PKHD1L1: variants seen among roughly 807,000 people sequenced by gnomAD.
PKHD1L1 encodes PKHD1 like 1, also known as fibrocystin-L.
A neutral mutation model predicts 462.9 loss-of-function variants in PKHD1L1; 434 were observed. That is an observed-to-expected ratio of 0.94 (90% CI 0.87 to 1.02). PKHD1L1 has a LOEUF of 1.02. Among genes scored for constraint, PKHD1L1 ranks in the 50% least tolerant of loss-of-function variants. The pLI, the probability that PKHD1L1 is intolerant of heterozygous loss-of-function variation, is 0.00. For missense variants in PKHD1L1, 5,202 were observed against 5,096.1 expected (o/e 1.02, Z -0.63); for synonymous variants, 1,781 against 1,750.0 (o/e 1.02, Z -0.44).
At position 109,454,179 on chromosome 8, in the gene PKHD1L1, T is replaced by C. The variant is rs759591604; in HGVS notation, c.6677T>C (p.Ile2226Thr). ...GTATGATTCATAGGTGGGACTCTAA[T>C]ATTTGATGAAGCTGACATTGAACTC... Reference protein sequence around the residue: ...KMLLIQGGTLIFDEADIELQA... With the variant: ...KMLLIQGGTLTFDEADIELQA... The change falls in exon 44 of 78, where the codon ATA (isoleucine) becomes ACA (threonine). Residue 2226 changes from isoleucine (I) to threonine (T), a missense_variant. Ile to Thr is a moderately conservative substitution (Grantham distance 89, BLOSUM62 -1). Around this residue, in one of 3 missense-constraint regions of PKHD1L1, gnomAD observed 4,497 missense variants for 4,336.8 expected, o/e 1.04. Coordinates refer to ENST00000378402, the MANE Select transcript of PKHD1L1 (RefSeq NM_177531.6). The C allele has an allele frequency of 3.7e-6, 6 of 1,606,862 alleles. No homozygotes were observed. The highest frequency in any genetic ancestry group is 4.3e-6 in the Non-Finnish European group (5 of 1,176,408).
chr8:109,462,536 A>ATTAT (rs535710849), intron 48 of PKHD1L1, among the ~76,000 whole-genome samples: 37 of 151,686 alleles, frequency 2.4e-4, no homozygotes, highest in Non-Finnish European at 3.8e-4. Context: ...CTTGCTTTTC[A>ATTAT]TTATTTATTT....
rs1426744995 is a variant in PKHD1L1, at chr8:109,456,308, G to A, written c.6921G>A (p.Lys2307=). The change falls in exon 46 of 78, where the codon AAG becomes AAA. Residue 2307 remains lysine (K), a synonymous_variant. Coordinates refer to ENST00000378402, the MANE Select transcript of PKHD1L1 (RefSeq NM_177531.6). ...GGACTCGCTTGGCTCATACTGCAAA[G>A]GCAGGGGAAAGAATTTTAATTTTAC... is the stretch of plus-strand genomic sequence containing the variant. ...VTWTRLAHTA[K]AGERILILQE... The A allele has an allele frequency of 2.5e-6, 4 of 1,612,694 alleles. No individual in the cohort carries two copies. Among genetic ancestry groups the A allele is most frequent in the Non-Finnish European group, 3.4e-6 (4 of 1,179,278 alleles).
chr8:109,423,182 C>T (rs760368278), intron 23 of PKHD1L1, among the ~76,000 whole-genome samples: 5 of 150,514 alleles, frequency 3.3e-5, no homozygotes, highest in Non-Finnish European at 5.9e-5. Flanking sequence ...CTTTTTTGAA[C>T]GGTGCTTTTG....
chr8:109,475,834 G>A (rs1193530684), intron 51 of PKHD1L1, among the ~76,000 whole-genome samples: 1 of 129,818 alleles, frequency 7.7e-6, no homozygotes, highest in Non-Finnish European at 1.6e-5. Flanking sequence ...GGCGACAGAG[G>A]GAGACTCCAT....
At chr8:109,391,610 T>C (rs567428037) in intron 9 of PKHD1L1, among the ~76,000 whole-genome samples, 2 of 152,310 alleles carry the variant, frequency 1.3e-5, no homozygotes, top group South Asian at 4.1e-4. Flanking sequence ...CAGAAACCCA[T>C]ATAAATTGCA....
chr8:109,484,733 A>G (rs1029731923), intron 57 of PKHD1L1, among the ~76,000 whole-genome samples: 26 of 151,936 alleles, frequency 1.7e-4, no homozygotes, highest in African/African-American at 6.0e-4. Flanking sequence ...TGTCCTGAGC[A>G]GTTTTTAATA....
In PKHD1L1 at chr8:109,364,650, T is replaced by TTC. The variant is rs767573075; in HGVS notation, c.163+15_163+16insCT. 33 of 1,158,162 alleles carry TTC rather than the reference T, an allele frequency of 2.8e-5. No homozygotes were observed. The highest frequency in any genetic ancestry group is 3.4e-5 in the Non-Finnish European group (30 of 874,052). 71.7% of individuals were successfully genotyped at this position (1,158,162 alleles called of 1,614,324 possible). On this transcript the variant is annotated intron_variant, in intron 2 of 77. Coordinates refer to ENST00000378402, the MANE Select transcript of PKHD1L1 (RefSeq NM_177531.6). ...TAAGAGGGGAAGGTATCGTTGCTTT[T>TTC]TTTTTTTTTTTTTTGCCAAGGTTGA...
At chr8:109,410,877 C>T (rs368667881) in intron 19 of PKHD1L1, among the ~76,000 whole-genome samples, 3 of 151,236 alleles carry the variant, frequency 2.0e-5, no homozygotes, top group Non-Finnish European at 3.0e-5. Flanking sequence ...TACAGGCTTG[C>T]GCCACCATGC....
At position 109,456,401 on chromosome 8, in the gene PKHD1L1, C is replaced by A. The variant is rs1178718492; in HGVS notation, c.7004+10C>A. Reference sequence around the variant, plus strand: ...CAAGCACAGGACACAGGTATGATATCTTCTGGGCTTAATGATGTGTATTTA... The same window carrying A: ...CAAGCACAGGACACAGGTATGATATATTCTGGGCTTAATGATGTGTATTTA... On this transcript the variant is annotated intron_variant, in intron 46 of 77. Transcript: ENST00000378402. 6.3e-7 allele frequency: 1 copy of A among 1,591,550 alleles called. No individual in the cohort carries two copies. The highest frequency in any genetic ancestry group is 8.6e-7 in the Non-Finnish European group (1 of 1,169,536).
At chr8:109,372,358 T>C (rs958435893) in intron 2 of PKHD1L1, among the ~76,000 whole-genome samples, 3 of 152,240 alleles carry the variant, frequency 2.0e-5, no homozygotes, top group Non-Finnish European at 4.4e-5. Context: ...TGATTTTGTA[T>C]CCTGAGACTT....
intron 9 of PKHD1L1, among the ~76,000 whole-genome samples, chr8:109,392,764 A>G (rs996841036): frequency 3.9e-5 from 6 of 152,166 alleles, no homozygotes; most frequent in African/African-American, 1.4e-4. Context: ...TATAAAATTC[A>G]TATTTCACAA....
intron 43 of PKHD1L1, 97 bp downstream of exon 43, chr8:109,452,971 C>T (rs1816622902): frequency 1.9e-6 from 2 of 1,074,272 alleles, no homozygotes; most frequent in East Asian, 3.2e-5. Context: ...AACATAGTTG[C>T]ACTATCTTTT....
At position 109,446,656 on chromosome 8, in the gene PKHD1L1, C is replaced by A. The variant is rs554081786; in HGVS notation, c.5776+1011C>A. ...TGTGAACAATAACAATGGCACATTT[C>A]TTTTCCCATGTGGTTGTAATCATTG... On this transcript the variant is annotated intron_variant, in intron 38 of 77. Coordinates refer to ENST00000378402, the MANE Select transcript of PKHD1L1 (RefSeq NM_177531.6). Among the ~76,000 whole-genome samples the A allele has an allele frequency of 6.6e-5, 10 of 152,244 alleles. No homozygotes were observed. In the East Asian group the frequency reaches 1.7e-3, roughly 26 times the overall value.
At chr8:109,449,775 C>T (rs551496740) in intron 40 of PKHD1L1, among the ~76,000 whole-genome samples, 6 of 152,182 alleles carry the variant, frequency 3.9e-5, no homozygotes, top group African/African-American at 1.4e-4. Context: ...ATTTTTAGTT[C>T]CCATTAGAGT....
chr8:109,421,520 C>T (rs1047929795), intron 23 of PKHD1L1, among the ~76,000 whole-genome samples: 2 of 152,130 alleles, frequency 1.3e-5, no homozygotes, highest in African/African-American at 4.8e-5. Context: ...CGGTGGCTCA[C>T]GCCTATAATA....
intron 71 of PKHD1L1, among the ~76,000 whole-genome samples, chr8:109,512,063 T>G (rs1586649337): frequency 6.6e-6 from 1 of 152,090 alleles, no homozygotes; most frequent in South Asian, 2.1e-4. Context: ...TCTTGTAAAT[T>G]TGTTTGAGTT....
chr8:109,470,362 G>A, intron 50 of PKHD1L1: 1 of 1,552,468 alleles, frequency 6.4e-7, no homozygotes, highest in Non-Finnish European at 8.9e-7. Flanking sequence ...CCATTACTAT[G>A]AACCCAAGCT....
chr8:109,437,883 C>T (rs901288651), intron 30 of PKHD1L1, among the ~76,000 whole-genome samples: 16 of 151,836 alleles, frequency 1.1e-4, no homozygotes, highest in Non-Finnish European at 1.8e-4. Context: ...TTAGGGGGTC[C>T]AAGTGCTTAG....
rs775717381 is a variant in PKHD1L1, at chr8:109,443,859, C to T, written c.4748C>T (p.Thr1583Ile). 6.2e-7 allele frequency: 1 copy of T among 1,613,746 alleles called. No homozygotes were observed. Among genetic ancestry groups the T allele is most frequent in the East Asian group, 2.2e-5 (1 of 44,874 alleles). The change falls in exon 37 of 78, where the codon ACA becomes ATA. Residue 1583 changes from threonine (T) to isoleucine (I), a missense_variant. Physicochemically the swap from Thr to Ile is moderately conservative, Grantham distance 89. This residue lies in a region of PKHD1L1 where 4,497 missense variants were observed against 4,336.8 expected (regional missense o/e 1.04). Transcript: ENST00000378402. ...ACTGGAACAGTAAATGAACTAATAACAATTATTGGACATGGCTTTAGTAAT... is the reference window on the plus strand; with the variant it reads ...ACTGGAACAGTAAATGAACTAATAATAATTATTGGACATGGCTTTAGTAAT... Reference protein sequence around the residue: ...PSTGTVNELITIIGHGFSNLP... With the variant: ...PSTGTVNELIIIIGHGFSNLP...
Sources: gnomAD v4.1 joint callset for allele counts (sites outside exome capture counted in the v4.1 genomes callset) on GRCh38, gnomAD v4.1.1 for gene constraint, gnomAD v4.1.1 regional missense constraint, MANE v1.5 for transcripts, NCBI Gene and HGNC (gene_info 2026-07-23, HGNC 2026-07-21) for gene names.